XKR6: variants seen among roughly 807,000 people sequenced by gnomAD.
XKR6 encodes XK related 6.
A neutral mutation model predicts 56.7 loss-of-function variants in XKR6; 22 were observed. That is an observed-to-expected ratio of 0.39 (90% CI 0.28 to 0.55). The LOEUF is 0.55. Among genes scored for constraint, XKR6 ranks in the 20% least tolerant of loss-of-function variants. XKR6 has a pLI of 0.66. For synonymous variants in XKR6, 524 were observed against 387.8 expected, an observed-to-expected ratio of 1.35 and a Z score of -4.13; for missense variants, 852 against 889.0, an observed-to-expected ratio of 0.96 and a Z score of 0.53.
chr8:11,056,387 C>A (rs555328821), intron 1 of XKR6, among the ~76,000 whole-genome samples: 1 of 152,344 alleles, frequency 6.6e-6, no homozygotes, highest in South Asian at 2.1e-4. Flanking sequence ...TGCTCCAGAA[C>A]GCCGGCAGCG....
At chr8:11,143,940 CACAA>C (rs1563170934) in intron 1 of XKR6, among the ~76,000 whole-genome samples, 2 of 152,152 alleles carry the variant, frequency 1.3e-5, no homozygotes, top group East Asian at 3.9e-4. Flanking sequence ...TTCCTTGGCT[CACAA>C]ACAGCCACCT....
intron 1 of XKR6, among the ~76,000 whole-genome samples, chr8:10,946,363 G>A (rs957755397): frequency 1.3e-5 from 2 of 152,126 alleles, no homozygotes; most frequent in African/African-American, 2.4e-5. Flanking sequence ...GTGCACTTGA[G>A]CAGGCCGCAG....
chr8:10,946,318 A>G (rs1331678631), intron 1 of XKR6, among the ~76,000 whole-genome samples: 1 of 151,544 alleles, frequency 6.6e-6, no homozygotes, highest in African/African-American at 2.4e-5. Flanking sequence ...AGTCACCCAC[A>G]CTCCACCGGG....
intron 1 of XKR6, among the ~76,000 whole-genome samples, chr8:11,073,330 A>T (rs1040466882): frequency 3.3e-5 from 5 of 152,104 alleles, no homozygotes; most frequent in African/African-American, 4.8e-5. Flanking sequence ...ATGTGCTAGG[A>T]ACTACATTGG....
intron 1 of XKR6, among the ~76,000 whole-genome samples, chr8:11,142,272 C>A (rs924649339): frequency 6.6e-6 from 1 of 152,104 alleles, no homozygotes; most frequent in South Asian, 2.1e-4. Context: ...TGATTCTAGG[C>A]CTGGGCAAGA....
At chr8:11,126,757 C>T (rs1799818847) in intron 1 of XKR6, among the ~76,000 whole-genome samples, 1 of 152,122 alleles carries the variant, frequency 6.6e-6, no homozygotes, top group Non-Finnish European at 1.5e-5. Context: ...AAAATGCCAA[C>T]TCGACAATGT....
chr8:11,190,111 C>T (rs1182662590), intron 1 of XKR6, among the ~76,000 whole-genome samples: 2 of 150,112 alleles, frequency 1.3e-5, no homozygotes, highest in South Asian at 4.2e-4. Context: ...GAGCCGAGAT[C>T]GCGCCACCGC....
At chr8:10,942,783 C>T (rs564196708) in intron 1 of XKR6, among the ~76,000 whole-genome samples, 1 of 152,248 alleles carries the variant, frequency 6.6e-6, no homozygotes, top group African/African-American at 2.4e-5. Context: ...GTTCACGCTA[C>T]AACCCCTTCC....
chr8:11,160,372 C>T (rs1426008634), intron 1 of XKR6, among the ~76,000 whole-genome samples: 2 of 150,974 alleles, frequency 1.3e-5, no homozygotes, highest in East Asian at 3.9e-4. Flanking sequence ...GAGTCTGAAG[C>T]TGAGATGGCC....
At chr8:11,005,842 C>CTTTTTTTTTT (rs56880407) in intron 1 of XKR6, among the ~76,000 whole-genome samples, 41 of 121,344 alleles carry the variant, frequency 3.4e-4, no homozygotes, top group African/African-American at 5.4e-4. Context: ...TTCTTTCTTT[C>CTTTTTTTTTT]TTTTTTTTTT....
chr8:11,097,550 G>A (rs112786433), intron 1 of XKR6, among the ~76,000 whole-genome samples: 8 of 151,466 alleles, frequency 5.3e-5, no homozygotes, highest in African/African-American at 1.7e-4. Flanking sequence ...TCTCACACCT[G>A]TAATCCCAGC....
intron 1 of XKR6, among the ~76,000 whole-genome samples, chr8:10,967,803 C>T (rs549043601): frequency 9.2e-5 from 14 of 152,154 alleles, no homozygotes; most frequent in Non-Finnish European, 1.5e-4. Flanking sequence ...CTGCTCCTGG[C>T]GGGTGGGGTG....
At chr8:11,114,776 T>TAC (rs1799089997) in intron 1 of XKR6, among the ~76,000 whole-genome samples, 3 of 145,560 alleles carry the variant, frequency 2.1e-5, no homozygotes, top group African/African-American at 5.2e-5. Context: ...TGTGTGTGTA[T>TAC]GTGCCAGGGC....
At chr8:11,173,144 G>A (rs1802462495) in intron 1 of XKR6, among the ~76,000 whole-genome samples, 1 of 150,570 alleles carries the variant, frequency 6.6e-6, no homozygotes, top group Non-Finnish European at 1.5e-5. Context: ...GACCATCCTG[G>A]CTAACACGGT....
chr8:11,054,607 C>T (rs539859799), intron 1 of XKR6, among the ~76,000 whole-genome samples: 59 of 152,336 alleles, frequency 3.9e-4, no homozygotes, highest in African/African-American at 1.1e-3. Context: ...AGCCATGCTC[C>T]GGGAGGGACC....
chr8:10,968,563 G>T (rs1163268401), intron 1 of XKR6, among the ~76,000 whole-genome samples: 1 of 152,340 alleles, frequency 6.6e-6, no homozygotes, highest in Non-Finnish European at 1.5e-5. Context: ...TAGGGTGTTT[G>T]TTCCTAGCTC....
intron 1 of XKR6, among the ~76,000 whole-genome samples, chr8:11,069,180 G>C (rs1386458141): frequency 6.6e-6 from 1 of 151,768 alleles, no homozygotes; most frequent in African/African-American, 2.4e-5. Context: ...ATAAAGAGTA[G>C]AGGCCCCACT....
At chr8:10,987,479 T>G (rs79105367) in intron 1 of XKR6, among the ~76,000 whole-genome samples, 2,516 of 152,286 alleles carry the variant, frequency 0.017, 150 homozygotes, top group Admixed American at 0.12. Flanking sequence ...GCCACAAATA[T>G]ATGTTTAGAT....
chr8:11,130,272 C>A (rs1800040166), intron 1 of XKR6, among the ~76,000 whole-genome samples: 1 of 152,020 alleles, frequency 6.6e-6, no homozygotes, highest in African/African-American at 2.4e-5. Flanking sequence ...GATTTTTCAG[C>A]AAATAGTTAA....
Sources: gnomAD v4.1 joint callset for allele counts (sites outside exome capture counted in the v4.1 genomes callset) on GRCh38, gnomAD v4.1.1 for gene constraint, MANE v1.5 for transcripts, NCBI Gene and HGNC (gene_info 2026-07-23, HGNC 2026-07-21) for gene names.